The following SBF1 variants were observed in gnomAD, a reference collection of about 807,000 sequenced individuals.
The protein encoded by SBF1 is myotubularin-related protein 5.
A neutral mutation model predicts 215.8 loss-of-function variants in SBF1; 65 were observed. That is an observed-to-expected ratio of 0.30 (90% CI 0.25 to 0.37). SBF1 has a LOEUF of 0.37. Among genes scored for constraint, SBF1 ranks in the 10% least tolerant of loss-of-function variants. The probability of loss-of-function intolerance (pLI) is 1.00; values close to 1 mark genes in which losing one functional copy is unlikely to be tolerated. For synonymous variants in SBF1, 1,410 were observed against 1,122.8 expected, an observed-to-expected ratio of 1.26 and a Z score of -5.11; for missense variants, 2,634 against 2,667.8, an observed-to-expected ratio of 0.99 and a Z score of 0.28.
intron 18 of SBF1, 27 bp from the exon 19 acceptor site, chr22:50,462,500 G>A (rs570697065): frequency 1.0e-4 from 166 of 1,612,014 alleles, no homozygotes; most frequent in South Asian, 7.0e-4. Context: ...CGCATGAGCC[G>A]GGGCCACGCT....
intron 1 of SBF1, 126 bp downstream of exon 1, chr22:50,474,660 C>A: frequency 1.5e-6 from 1 of 684,088 alleles, no homozygotes. Context: ...CCTCAGTCCT[C>A]GGCCTCCCGA....
In SBF1 at chr22:50,474,918, C is replaced by G; in HGVS notation, c.-78G>C. On this transcript the variant is annotated 5_prime_UTR_variant, in exon 1 of 41. Coordinates refer to ENST00000380817, the MANE Select transcript of SBF1 (RefSeq NM_002972.4). ...GACTCGAGGACGGCGCGCTCATGGC[C>G]CGGCCCCGGCCCTGGACCGCGCACC... The G allele has an allele frequency of 9.3e-7, 1 of 1,080,186 alleles. No homozygotes were observed. The highest frequency in any genetic ancestry group is 1.2e-6 in the Non-Finnish European group (1 of 832,504). The allele number at this position is 1,080,186 out of a possible 1,614,324, so 66.9% of individuals were successfully genotyped here.
At chr22:50,472,120 C>T (rs1224244688) in intron 1 of SBF1, among the ~76,000 whole-genome samples, 1 of 152,210 alleles carries the variant, frequency 6.6e-6, no homozygotes, top group African/African-American at 2.4e-5. Flanking sequence ...AGAAGGTGAT[C>T]CCTGACTCAC....
At position 50,462,242 on chromosome 22, in the gene SBF1, C is replaced by T. The variant is rs371155431; in HGVS notation, c.2359G>A (p.Asp787Asn). ...AGGCTGTTGCTGGCGCTCTCCAGGT[C>T]GCCCAGCCCGGCACGCTCCCGAAGT... ...RLLRERAGLG[D>N]LESASNSLVT... is the part of the protein sequence containing the mutation. The change falls in exon 19 of 41, where the codon GAC (aspartate) becomes AAC (asparagine). Residue 787 changes from aspartate to asparagine, a missense_variant. Asp to Asn is a conservative substitution (Grantham distance 23). Transcript: ENST00000380817. 13 of 1,608,834 alleles carry T rather than the reference C, an allele frequency of 8.1e-6. No individual in the cohort carries two copies. The highest frequency in any genetic ancestry group is 9.3e-6 in the Non-Finnish European group (11 of 1,179,976).
At chr22:50,457,975 C>T (rs138504849) in intron 28 of SBF1, among the ~76,000 whole-genome samples, 1,592 of 152,322 alleles carry the variant, frequency 0.01, 10 homozygotes, top group Non-Finnish European at 0.015. Context: ...CTGCTTTGGA[C>T]GCCAACCAGG....
intron 1 of SBF1, among the ~76,000 whole-genome samples, chr22:50,471,783 C>T (rs1361847205): frequency 6.6e-6 from 1 of 152,094 alleles, no homozygotes; most frequent in Non-Finnish European, 1.5e-5. Context: ...TGAGGCCATC[C>T]CAAACAGCCC....
In SBF1 at chr22:50,446,973, G is replaced by A. The variant is rs2066849636; in HGVS notation, c.*169C>T. On this transcript the variant is annotated 3_prime_UTR_variant, in exon 41 of 41. Coordinates refer to ENST00000380817, the MANE Select transcript of SBF1 (RefSeq NM_002972.4). Reference sequence around the variant, plus strand: ...AGCTGTGACGCCAAAATAAGTTAGGGCCGGCCGGGCGGGGCGGGGCGGGGA... The same window carrying A: ...AGCTGTGACGCCAAAATAAGTTAGGACCGGCCGGGCGGGGCGGGGCGGGGA... 15 of 723,778 alleles carry A rather than the reference G, an allele frequency of 2.1e-5. No individual in the cohort carries two copies. Among genetic ancestry groups the A allele is most frequent in the Non-Finnish European group, 3.4e-5 (14 of 409,808 alleles). The allele number at this position is 723,778 out of a possible 1,614,324, so 44.8% of individuals were successfully genotyped here.
intron 28 of SBF1, among the ~76,000 whole-genome samples, chr22:50,457,746 G>A (rs547326829): frequency 6.6e-6 from 1 of 152,344 alleles, no homozygotes; most frequent in South Asian, 2.1e-4. Context: ...CCAAAGGGCT[G>A]GGAGATGCCT....
chr22:50,461,040 G>A (rs2067486178), intron 23 of SBF1, 119 bp downstream of exon 23: 5 of 1,319,608 alleles, frequency 3.8e-6, no homozygotes, highest in Non-Finnish European at 4.1e-6. Context: ...AGACATGCAA[G>A]CGTAACAACA....
chr22:50,465,756 C>A lies in SBF1; in HGVS notation c.1089+7G>T. 6.3e-7 allele frequency: 1 copy of A among 1,597,422 alleles called. No homozygotes were observed. Among genetic ancestry groups the A allele is most frequent in the Non-Finnish European group, 8.5e-7 (1 of 1,173,042 alleles). ...GGTCCCCATGCAGGAGCAGCAACGA[C>A]CCCCACCTGCATCTTCAGGGAGGAG... On this transcript the variant is annotated splice_region_variant and intron_variant, in intron 10 of 40. Transcript: ENST00000380817.
intron 26 of SBF1, 61 bp from the exon 27 acceptor site, chr22:50,459,727 C>G: frequency 2.0e-6 from 3 of 1,500,198 alleles, no homozygotes; most frequent in Non-Finnish European, 2.7e-6. Context: ...GGCTCACGCC[C>G]CAAGCAGGGC....
rs778315437 is a variant in SBF1 at position 50,454,901 on chromosome 22, C to T, written c.4725G>A (p.Pro1575=). 1.6e-4 allele frequency: 254 copies of T among 1,614,118 alleles called. 1 individual carries two copies. The highest frequency in any genetic ancestry group is 1.2e-3 in the South Asian group (113 of 91,084). Residue 1575 remains proline (P), a synonymous_variant, in exon 35 of 41, where the codon CCG becomes CCA. Transcript: ENST00000380817. Reference sequence around the variant, plus strand: ...CCACATACTCCCACACAGACCTGCACGGCACCTGGCCCCTGCGTTCCCCCT... The same window carrying T: ...CCACATACTCCCACACAGACCTGCATGGCACCTGGCCCCTGCGTTCCCCCT... ...EEKGERRGQV[P]CRSVWEYVDR...
At chr22:50,461,132 G>C in intron 23 of SBF1, 27 bp downstream of exon 23, 1 of 1,570,784 alleles carries the variant, frequency 6.4e-7, no homozygotes, top group African/African-American at 1.4e-5. Context: ...CGGGGGATGA[G>C]AGCCCCACCC....
At chr22:50,466,582 G>T (rs540019344) in intron 6 of SBF1, 23 bp downstream of exon 6, 1 of 1,539,694 alleles carries the variant, frequency 6.5e-7, no homozygotes, top group South Asian at 1.2e-5. Context: ...GAAGCCATGC[G>T]GGGGTGGGAC....
At position 50,457,109 on chromosome 22, in the gene SBF1, G is replaced by A; in HGVS notation, c.3829C>T (p.Pro1277Ser). 1 of 1,485,168 alleles carries A rather than the reference G, an allele frequency of 6.7e-7. No individual in the cohort carries two copies. The highest frequency in any genetic ancestry group is 8.9e-7 in the Non-Finnish European group (1 of 1,126,858). The allele number at this position is 1,485,168 out of a possible 1,614,324, so 92.0% of individuals were successfully genotyped here. Reference protein sequence around the residue: ...FSSAHMGSHVPSPRARVTTLS... With the variant: ...FSSAHMGSHVSSPRARVTTLS... ...GTGGTGACCCTGGCTCTGGGGCTGGGAACTGAGGGCACAGCAGAGAGAAGG... is the reference window on the plus strand; with the variant it reads ...GTGGTGACCCTGGCTCTGGGGCTGGAAACTGAGGGCACAGCAGAGAGAAGG... The change falls in exon 29 of 41, where the codon CCC (proline) becomes TCC (serine). Residue 1277 changes from proline to serine, a missense_variant and splice_region_variant. By Grantham distance (74) the Pro-to-Ser change is moderately conservative. Coordinates refer to ENST00000380817, the MANE Select transcript of SBF1 (RefSeq NM_002972.4).
chr22:50,446,843 GA>G lies in SBF1; in HGVS notation c.*298del. 1 of 726,256 alleles carries G rather than the reference GA, an allele frequency of 1.4e-6. No homozygotes were observed. Among genetic ancestry groups the G allele is most frequent in the Non-Finnish European group, 2.5e-6 (1 of 393,994 alleles). The allele number at this position is 726,256 out of a possible 1,614,324, so 45.0% of individuals were successfully genotyped here. ...TCTCTTTATATAGACTCTGGTTCTA[GA>G]AACTCGCCTGCAGCCGCTGGCTGGA... On this transcript the variant is annotated 3_prime_UTR_variant, in exon 41 of 41. Coordinates refer to ENST00000380817, the MANE Select transcript of SBF1 (RefSeq NM_002972.4).
chr22:50,474,748 TCGGCCCC>T (rs1232072374), intron 1 of SBF1, 31 bp downstream of exon 1: 1 of 1,417,982 alleles, frequency 7.1e-7, no homozygotes, highest in Non-Finnish European at 9.2e-7. Flanking sequence ...CACTCGACCC[TCGGCCCC>T]CGGCCCTCAG....
intron 1 of SBF1, among the ~76,000 whole-genome samples, chr22:50,473,194 C>G (rs1353127547): frequency 6.6e-6 from 1 of 152,148 alleles, no homozygotes; most frequent in African/African-American, 2.4e-5. Context: ...CCAACCCAAA[C>G]CCTCTCCACA....
At position 50,467,411 on chromosome 22, in the gene SBF1, C is replaced by T. The variant is rs780328930; in HGVS notation, c.476G>A (p.Gly159Asp). The T allele has an allele frequency of 3.7e-6, 6 of 1,614,170 alleles. No homozygotes were observed. The highest frequency in any genetic ancestry group is 1.1e-5 in the South Asian group (1 of 91,088). The change falls in exon 5 of 41, where the codon GGC becomes GAC. Residue 159 changes from glycine to aspartate, a missense_variant. Gly to Asp is a moderately conservative substitution (Grantham distance 94, BLOSUM62 -1). Transcript: ENST00000380817. The part of the protein sequence containing the change: ...LGLIYAIHVE[G>D]LNVCLENVIG... ...CACGTTCTCCAGGCACACATTCAGG[C>T]CCTCCACGTGGATGGCATAGATGAG... is the stretch of plus-strand genomic sequence containing the variant.
Sources: allele counts gnomAD v4.1 joint callset (sites outside exome capture counted in the v4.1 genomes callset), GRCh38; gene constraint gnomAD v4.1.1; transcripts MANE v1.5; gene names NCBI Gene and HGNC (gene_info 2026-07-23, HGNC 2026-07-21).